The following NAA11 variants were observed in gnomAD, a reference collection of about 807,000 sequenced individuals.
The protein encoded by NAA11 is N-alpha-acetyltransferase 11, NatA catalytic subunit, also known as N-alpha-acetyltransferase 11.
NAA11 carries 15 observed loss-of-function variants against 16.1 expected under a neutral mutation model. That is an observed-to-expected ratio of 0.93 (90% confidence interval 0.62 to 1.44). The LOEUF (loss-of-function observed/expected upper bound fraction) is 1.44, where lower values mean the gene tolerates loss of function less well. Among genes scored for constraint, NAA11 ranks in the 40% most tolerant of loss-of-function variants. The pLI, the probability that NAA11 is intolerant of heterozygous loss-of-function variation, is 0.00. For missense variants in NAA11, 298 were observed against 291.3 expected (o/e 1.02, Z -0.17); for synonymous variants, 122 against 112.4 (o/e 1.09, Z -0.54).
intron 2 of NAA11, among the ~76,000 whole-genome samples, chr4:79,246,755 AAGAATGC>A (rs1200239427): frequency 1.3e-5 from 2 of 152,224 alleles, no homozygotes; most frequent in African/African-American, 4.8e-5. Context: ...ATATTATGTA[AAGAATGC>A]AGAGAGGCCT....
At chr4:79,268,680 C>A (rs534490542) in intron 2 of NAA11, among the ~76,000 whole-genome samples, 113 of 149,484 alleles carry the variant, frequency 7.6e-4, no homozygotes, top group Non-Finnish European at 1.3e-3. Context: ...GAACTATATT[C>A]AGGAGTAATT....
the NAA11 span, among the ~76,000 whole-genome samples, chr4:79,166,246 G>T: frequency 9.9e-5 from 15 of 152,090 alleles, no homozygotes; most frequent in South Asian, 2.3e-3. Flanking sequence ...TCTAACCACG[G>T]TTTTTTCCCC....
the NAA11 span, among the ~76,000 whole-genome samples, chr4:79,196,401 C>T: frequency 2.0e-5 from 3 of 151,982 alleles, no homozygotes; most frequent in East Asian, 5.8e-4. Context: ...GCTTTAATCT[C>T]TTTTAACTCT....
intron 2 of NAA11, among the ~76,000 whole-genome samples, chr4:79,251,423 TTGAGTACATA>T (rs900435815): frequency 6.6e-6 from 1 of 152,128 alleles, no homozygotes; most frequent in African/African-American, 2.4e-5. Context: ...GAGCTAAGCA[TTGAGTACATA>T]TGGACACAAA....
the NAA11 span, among the ~76,000 whole-genome samples, chr4:79,196,955 C>CAAAAAAAAAAAAAAAA: frequency 9.4e-4 from 81 of 86,166 alleles, no homozygotes; most frequent in African/African-American, 2.2e-3. Flanking sequence ...ATGAAAAAGA[C>CAAAAAAAAAAAAAAAA]AAAAAAAAAA....
chr4:79,256,633 C>T (rs1489621050), intron 2 of NAA11, among the ~76,000 whole-genome samples: 1 of 109,588 alleles, frequency 9.1e-6, no homozygotes, highest in African/African-American at 3.2e-5. Flanking sequence ...TAAAATGAAC[C>T]ATATATATAT....
intron 2 of NAA11, among the ~76,000 whole-genome samples, chr4:79,291,298 C>A (rs57861971): frequency 0.44 from 66,105 of 151,054 alleles, 14,872 homozygotes; most frequent in Middle Eastern, 0.53. Context: ...CCTGTCTCTA[C>A]AAAAAAACGA....
the NAA11 span, among the ~76,000 whole-genome samples, chr4:79,218,712 C>T: frequency 6.6e-6 from 1 of 152,000 alleles, no homozygotes; most frequent in Non-Finnish European, 1.5e-5. Context: ...TTCTTTGCTT[C>T]TTCTGTTACC....
At chr4:79,251,175 C>G (rs773703328) in intron 2 of NAA11, among the ~76,000 whole-genome samples, 30 of 152,146 alleles carry the variant, frequency 2.0e-4, no homozygotes, top group Admixed American at 9.2e-4. Context: ...CGCATGTACC[C>G]TTATGTTCAC....
rs1469504967 is a variant in NAA11 at position 79,317,320 on chromosome 4, G to A, written c.*484C>T. The A allele has an allele frequency of 6.6e-6, 1 of 152,180 alleles. No homozygotes were observed. The highest frequency in any genetic ancestry group is 6.6e-5 in the Admixed American group (1 of 15,262). 9.4% of individuals were successfully genotyped at this position (152,180 alleles called of 1,614,324 possible). On this transcript the variant is annotated 3_prime_UTR_variant, in exon 2 of 2. Transcript: ENST00000286794. ...ACTGAATACTTCTTCCAGGAAAGAG[G>A]AGGAAGAGGGCATGAGGTCTGACTT... is the stretch of plus-strand genomic sequence containing the variant.
chr4:79,224,255 A>G (rs963821009), downstream of NAA11, among the ~76,000 whole-genome samples: 2 of 152,134 alleles, frequency 1.3e-5, no homozygotes, highest in African/African-American at 4.8e-5. Context: ...GGCACTAGCT[A>G]TTGCTAGTGT....
At chr4:79,210,600 G>A in the NAA11 span, among the ~76,000 whole-genome samples, 6 of 152,130 alleles carry the variant, frequency 3.9e-5, no homozygotes, top group African/African-American at 1.4e-4. Context: ...AATTTAAAAG[G>A]AGGGGTTAGC....
chr4:79,242,349 G>A (rs1400521049), intron 2 of NAA11, among the ~76,000 whole-genome samples: 1 of 152,192 alleles, frequency 6.6e-6, no homozygotes, highest in African/African-American at 2.4e-5. Flanking sequence ...GGCTTGCCAG[G>A]TCTAGCTGCA....
chr4:79,298,057 AC>A (rs1471551690), intron 1 of NAA11, among the ~76,000 whole-genome samples: 1 of 152,204 alleles, frequency 6.6e-6, no homozygotes, highest in African/African-American at 2.4e-5. Flanking sequence ...GAGAGGAGCT[AC>A]GTTTTCTGCT....
chr4:79,324,371 T>C (rs1724193218), intron 1 of NAA11, among the ~76,000 whole-genome samples: 3 of 152,222 alleles, frequency 2.0e-5, no homozygotes, highest in Admixed American at 6.5e-5. Flanking sequence ...AAATGTCTTA[T>C]ACATGGTTTG....
At chr4:79,208,946 A>AAAAAAAAC in the NAA11 span, among the ~76,000 whole-genome samples, 1 of 148,634 alleles carries the variant, frequency 6.7e-6, no homozygotes, top group Non-Finnish European at 1.5e-5. Context: ...AAAAAAAAAA[A>AAAAAAAAC]ACCCCAAAAA....
chr4:79,325,234 C>CTCT lies in NAA11; in HGVS notation c.641_643dup (p.Glu214_Ser215insLys). On this transcript the variant is annotated inframe_insertion, in exon 1 of 2. Coordinates refer to ENST00000286794, the MANE Select transcript of NAA11 (RefSeq NM_032693.3). ...TTCTGAGCTGTCCTGGACGTTGGTG[C>CTCT]TCTCCACAGACTCCTTAGGTTCTTT... 2 of 1,613,488 alleles carry CTCT rather than the reference C, an allele frequency of 1.2e-6. No homozygotes were observed. The highest frequency in any genetic ancestry group is 2.7e-5 in the African/African-American group (2 of 75,052).
At position 79,326,005 on chromosome 4, in the gene NAA11, G is replaced by T. The variant is rs1724270424; in HGVS notation, c.-128C>A. The T allele has an allele frequency of 2.6e-6, 2 of 759,640 alleles. No individual in the cohort carries two copies. The allele number at this position is 759,640 out of a possible 1,614,324, so 47.1% of individuals were successfully genotyped here. ...TAACACCACCGGGCTGAATCGTGTG[G>T]AGGGCGGATGGCGGGAAGGCGGAAG... is the stretch of plus-strand genomic sequence containing the variant. On this transcript the variant is annotated 5_prime_UTR_variant, in exon 1 of 2. Coordinates refer to ENST00000286794, the MANE Select transcript of NAA11 (RefSeq NM_032693.3).
At chr4:79,169,236 A>G in the NAA11 span, among the ~76,000 whole-genome samples, 1 of 152,206 alleles carries the variant, frequency 6.6e-6, no homozygotes. Context: ...GATTTTCTTC[A>G]TAGAATTAGA....
Sources: allele counts gnomAD v4.1 joint callset (sites outside exome capture counted in the v4.1 genomes callset), GRCh38; gene constraint gnomAD v4.1.1; transcripts MANE v1.5; gene names NCBI Gene and HGNC (gene_info 2026-07-23, HGNC 2026-07-21).